CCDC102B: variants seen among roughly 807,000 people sequenced by gnomAD.
CCDC102B encodes coiled-coil domain containing 102B, also known as coiled-coil domain-containing protein 102B.
CCDC102B carries 75 observed loss-of-function variants against 57.4 expected under a neutral mutation model. The observed-to-expected ratio is 1.31, with a 90% CI of 1.08 to 1.58. The LOEUF (loss-of-function observed/expected upper bound fraction) is 1.58. CCDC102B is among the 40% of genes most tolerant of loss of function. The probability of loss-of-function intolerance (pLI) is 0.00; values close to 1 mark genes in which losing one functional copy is unlikely to be tolerated. For synonymous variants in CCDC102B, 206 were observed against 201.9 expected (o/e 1.02, Z -0.17); for missense variants, 636 against 582.6 (o/e 1.09, Z -0.94).
At chr18:68,817,977 T>C (rs766294487) in intron 1 of CCDC102B, among the ~76,000 whole-genome samples, 1 of 152,194 alleles carries the variant, frequency 6.6e-6, no homozygotes, top group East Asian at 1.9e-4. Context: ...AAGATACATG[T>C]AGAAGAAAAG....
At chr18:68,883,895 C>A (rs567386273) in intron 5 of CCDC102B, among the ~76,000 whole-genome samples, 3 of 152,128 alleles carry the variant, frequency 2.0e-5, no homozygotes, top group African/African-American at 7.2e-5. Context: ...AACATCCAAT[C>A]GGCTTTTTAG....
chr18:69,041,529 A>G (rs1359306458), intron 7 of CCDC102B, among the ~76,000 whole-genome samples: 2 of 152,022 alleles, frequency 1.3e-5, no homozygotes, highest in Admixed American at 1.3e-4. Context: ...CTTATAAATG[A>G]TTGGCCGGTT....
At chr18:68,978,485 A>G (rs190965361) in intron 6 of CCDC102B, among the ~76,000 whole-genome samples, 1 of 152,188 alleles carries the variant, frequency 6.6e-6, no homozygotes, top group East Asian at 1.9e-4. Flanking sequence ...TTAGGTGTCA[A>G]AATATATTGA....
At chr18:68,946,969 C>T (rs776068392) in intron 6 of CCDC102B, among the ~76,000 whole-genome samples, 5 of 151,820 alleles carry the variant, frequency 3.3e-5, no homozygotes, top group Non-Finnish European at 5.9e-5. Flanking sequence ...TCTTATAATA[C>T]GTAAGACACA....
intron 5 of CCDC102B, among the ~76,000 whole-genome samples, chr18:68,882,168 C>A (rs1051655111): frequency 1.3e-5 from 2 of 152,068 alleles, no homozygotes; most frequent in Non-Finnish European, 2.9e-5. Context: ...TTTAGCCACA[C>A]AAATAAAAAT....
intron 5 of CCDC102B, among the ~76,000 whole-genome samples, chr18:68,895,514 A>G (rs1468337106): frequency 6.6e-6 from 1 of 151,796 alleles, no homozygotes; most frequent in African/African-American, 2.4e-5. Context: ...TTATAACAGT[A>G]TAATAATTAT....
At chr18:68,790,309 TGGAGCGTACAGA>T (rs962428758) in intron 2 of CCDC102B, among the ~76,000 whole-genome samples, 6 of 135,618 alleles carry the variant, frequency 4.4e-5, no homozygotes, top group African/African-American at 1.5e-4. Context: ...CCCCCAGAGG[TGGAGCGTACAGA>T]GGCAGGCAGG....
Position 68,715,237 on chromosome 18 carries a change from T to C in CCDC102B, c.-258T>C, listed in dbSNP as rs309248. On this transcript the variant is annotated 5_prime_UTR_variant, in exon 1 of 4. Coordinates refer to the CCDC102B transcript ENST00000578970. Reference sequence around the variant, plus strand: ...TCTTAAGAATCCTTTGCGCTCTCGGTGCCCCCCTCCACGCCCAGGAGCGTG... The same window carrying C: ...TCTTAAGAATCCTTTGCGCTCTCGGCGCCCCCCTCCACGCCCAGGAGCGTG... 183,664 of 1,338,044 alleles carry C rather than the reference T, an allele frequency of 0.14. 21,772 individuals carry two copies. Among genetic ancestry groups the C allele is most frequent in the African/African-American group, 0.63 (40,707 of 65,024 alleles). The allele number at this position is 1,338,044 out of a possible 1,614,324, so 82.9% of individuals were successfully genotyped here. A position where few individuals can be genotyped will look rare whatever the true frequency, so the allele number is the denominator to read the frequency against.
intron 7 of CCDC102B, among the ~76,000 whole-genome samples, chr18:69,023,302 T>C (rs1037685578): frequency 2.0e-5 from 3 of 152,112 alleles, no homozygotes; most frequent in Non-Finnish European, 2.9e-5. Context: ...ATGTATGCAG[T>C]TGAGGTAATG....
chr18:68,973,742 G>T (rs2050360001), intron 6 of CCDC102B, among the ~76,000 whole-genome samples: 1 of 152,016 alleles, frequency 6.6e-6, no homozygotes, highest in Non-Finnish European at 1.5e-5. Context: ...CAATATTTGT[G>T]ATCTCAGCCC....
chr18:69,007,888 CTTCCTCT>C (rs1393543584), intron 6 of CCDC102B, among the ~76,000 whole-genome samples: 2 of 152,200 alleles, frequency 1.3e-5, no homozygotes, highest in East Asian at 1.9e-4. Flanking sequence ...TTGGTCATTC[CTTCCTCT>C]TTCCTCTTTC....
At chr18:68,745,654 C>T (rs1239385760) in intron 2 of CCDC102B, among the ~76,000 whole-genome samples, 1 of 152,064 alleles carries the variant, frequency 6.6e-6, no homozygotes, top group Non-Finnish European at 1.5e-5. Flanking sequence ...ACTATAATCA[C>T]CCTACTGTGC....
chr18:68,748,425 G>A (rs934654694), intron 2 of CCDC102B, among the ~76,000 whole-genome samples: 2 of 152,024 alleles, frequency 1.3e-5, no homozygotes, highest in African/African-American at 4.8e-5. Flanking sequence ...ATGAGTGCTA[G>A]GCATCCATTT....
At chr18:68,783,703 G>A (rs919765850) in intron 2 of CCDC102B, among the ~76,000 whole-genome samples, 2 of 152,014 alleles carry the variant, frequency 1.3e-5, no homozygotes, top group African/African-American at 4.8e-5. Context: ...TGTTTAGAAA[G>A]TCCCAAAAAT....
At chr18:68,758,759 A>G (rs1159873684) in intron 2 of CCDC102B, among the ~76,000 whole-genome samples, 1 of 151,868 alleles carries the variant, frequency 6.6e-6, no homozygotes, top group Non-Finnish European at 1.5e-5. Flanking sequence ...GGAAGATTAA[A>G]TGCTTGTTTC....
chr18:68,995,870 G>A (rs373786807), intron 6 of CCDC102B, among the ~76,000 whole-genome samples: 1 of 152,092 alleles, frequency 6.6e-6, no homozygotes, highest in Admixed American at 6.5e-5. Context: ...AAAGTCACAG[G>A]CACTCAATGC....
chr18:68,743,221 AAAT>A (rs2033470297), intron 2 of CCDC102B, among the ~76,000 whole-genome samples: 1 of 32,210 alleles, frequency 3.1e-5, no homozygotes, highest in African/African-American at 4.2e-5. Context: ...ATAAATAAAT[AAAT>A]AAATAAATAA....
intron 5 of CCDC102B, among the ~76,000 whole-genome samples, chr18:68,878,309 G>C (rs759624271): frequency 1.3e-5 from 2 of 152,106 alleles, no homozygotes; most frequent in Non-Finnish European, 2.9e-5. Flanking sequence ...ATGTTGGCCA[G>C]GCTGGTCCTG....
chr18:68,896,951 C>T (rs1459848394), intron 5 of CCDC102B, among the ~76,000 whole-genome samples: 1 of 152,022 alleles, frequency 6.6e-6, no homozygotes, highest in Non-Finnish European at 1.5e-5. Context: ...CAGTTCTTCA[C>T]TTGACACATA....
Sources: allele counts gnomAD v4.1 joint callset (sites outside exome capture counted in the v4.1 genomes callset), GRCh38; gene constraint gnomAD v4.1.1; transcripts MANE v1.5; gene names NCBI Gene and HGNC (gene_info 2026-07-23, HGNC 2026-07-21).